The following HEPACAM2 variants were observed in gnomAD, a reference collection of about 807,000 sequenced individuals.
HEPACAM2 encodes the protein mitotic kinetics regulator.
In HEPACAM2, 49 loss-of-function variants were observed where a neutral mutation model predicts 49.6. That is an observed-to-expected ratio of 0.99 (90% CI 0.78 to 1.25). The LOEUF (loss-of-function observed/expected upper bound fraction) is 1.25. Ranked by LOEUF, HEPACAM2 falls within the 50% of genes most tolerant of loss-of-function variation. The probability of loss-of-function intolerance (pLI) is 0.00; values close to 1 mark genes in which losing one functional copy is unlikely to be tolerated. For missense variants in HEPACAM2, 525 were observed against 557.2 expected (o/e 0.94, Z 0.58); for synonymous variants, 197 against 202.9 (o/e 0.97, Z 0.25).
intron 3 of HEPACAM2, among the ~76,000 whole-genome samples, chr7:93,211,083 AC>A (rs533917434): frequency 6.6e-6 from 1 of 152,014 alleles, no homozygotes; most frequent in Non-Finnish European, 1.5e-5. Context: ...GCATTTTCTG[AC>A]CAATCTGCCA....
In HEPACAM2 at chr7:93,208,690, A is replaced by G. The variant is rs1219317608; in HGVS notation, c.902T>C (p.Val301Ala). ...YIIKHGPRLE[V>A]ASEKVAQKTM... ...CTTCTGGGCTACTTTCTCAGATGCA[A>G]CTTCTAAGCGAGGCCCATGCTTAAT... The change falls in exon 4 of 10, where the codon GTT (valine) becomes GCT (alanine). Residue 301 changes from valine (V) to alanine (A), a missense_variant. By Grantham distance (64) the Val-to-Ala change is moderately conservative. Coordinates refer to ENST00000394468, the MANE Select transcript of HEPACAM2 (RefSeq NM_001039372.4). 3 of 1,613,096 alleles carry G rather than the reference A, an allele frequency of 1.9e-6. No homozygotes were observed. Among genetic ancestry groups the G allele is most frequent in the Admixed American group, 3.3e-5 (2 of 59,876 alleles).
intron 3 of HEPACAM2, among the ~76,000 whole-genome samples, chr7:93,213,158 A>G (rs929361808): frequency 1.3e-5 from 2 of 151,828 alleles, no homozygotes; most frequent in African/African-American, 2.4e-5. Context: ...TTTATCACTT[A>G]GAGCTCTCCA....
At chr7:93,202,189 C>T (rs926800682) in intron 4 of HEPACAM2, among the ~76,000 whole-genome samples, 20 of 150,354 alleles carry the variant, frequency 1.3e-4, no homozygotes, top group South Asian at 8.3e-4. Flanking sequence ...TTCTCTATTT[C>T]GTCATTTTAG....
rs921665890 is a variant in HEPACAM2 at position 93,197,735 on chromosome 7, C to T, written c.1013-125G>A. The T allele has an allele frequency of 2.0e-5, 13 of 652,794 alleles. No homozygotes were observed. The African/African-American group carries it at 2.4e-4, about 12-fold the overall frequency. The allele number at this position is 652,794 out of a possible 1,614,324, so 40.4% of individuals were successfully genotyped here. On this transcript the variant is annotated intron_variant, in intron 4 of 9. Transcript: ENST00000394468. ...TATATAAACACGTATATTAGAGACA[C>T]ACAGAGAGAGAGAGAGACCAAATGG...
At chr7:93,204,212 A>T (rs1220511042) in intron 4 of HEPACAM2, among the ~76,000 whole-genome samples, 1 of 152,142 alleles carries the variant, frequency 6.6e-6, no homozygotes, top group Non-Finnish European at 1.5e-5. Flanking sequence ...ATTATGGATA[A>T]ATCTCAAACT....
chr7:93,195,911 A>C lies in HEPACAM2; in HGVS notation c.1202-10T>G. 1 of 1,600,206 alleles carries C rather than the reference A, an allele frequency of 6.2e-7. No individual in the cohort carries two copies. The highest frequency in any genetic ancestry group is 1.3e-5 in the African/African-American group (1 of 74,664). The stretch of plus-strand genomic sequence containing the variant: ...AGAGCATCTTCATGGCCTGAAATGT[A>C]AAACAAATACTGCTTACAAACCGAA... On this transcript the variant is annotated splice_polypyrimidine_tract_variant and intron_variant, in intron 7 of 9. Coordinates refer to ENST00000394468, the MANE Select transcript of HEPACAM2 (RefSeq NM_001039372.4).
At chr7:93,189,904 C>T (rs1036286124) in intron 9 of HEPACAM2, among the ~76,000 whole-genome samples, 3 of 151,854 alleles carry the variant, frequency 2.0e-5, no homozygotes, top group Non-Finnish European at 4.4e-5. Context: ...TGAAGTTGAT[C>T]TTTGAATTTA....
chr7:93,205,840 A>C (rs1315086020), intron 4 of HEPACAM2, among the ~76,000 whole-genome samples: 3 of 152,182 alleles, frequency 2.0e-5, no homozygotes, highest in African/African-American at 4.8e-5. Context: ...GTTAGAAAAT[A>C]GCTCTAAAAG....
rs183711434 is a variant in HEPACAM2, at chr7:93,224,355, C to T, written c.79+2013G>A. 2.7e-3 allele frequency among the ~76,000 whole-genome samples: 408 copies of T among 151,860 alleles called. 1 individual carries two copies. Among genetic ancestry groups the T allele is most frequent in the African/African-American group, 9.3e-3 (386 of 41,412 alleles). ...AGTAGTCCAAATATTTGGACTTAAA[C>T]GGAAATTTAAATTCGATTTTATTAT... On this transcript the variant is annotated intron_variant, in intron 1 of 9. Transcript: ENST00000394468.
Position 93,219,394 on chromosome 7 carries a change from C to A in HEPACAM2, c.137G>T (p.Gly46Val). The change falls in exon 2 of 10, where the codon GGT (glycine) becomes GTT (valine). Residue 46 changes from glycine to valine, a missense_variant. By Grantham distance (109) the Gly-to-Val change is moderately radical. Transcript: ENST00000394468. ...GTGGACGGGTAGGTAGAGGGCCTGA[C>A]CTCTGACGCCATGGACAGTGTGTGA... ...VPSHTVHGVR[G>V]QALYLPVHYG... The A allele has an allele frequency of 6.2e-7, 1 of 1,613,972 alleles. No individual in the cohort carries two copies. Among genetic ancestry groups the A allele is most frequent in the South Asian group, 1.1e-5 (1 of 91,078 alleles).
At chr7:93,207,540 G>A (rs1794060093) in intron 4 of HEPACAM2, among the ~76,000 whole-genome samples, 1 of 151,466 alleles carries the variant, frequency 6.6e-6, no homozygotes, top group South Asian at 2.1e-4. Flanking sequence ...GAAGGAGGAA[G>A]GAGAGAAGAA....
At chr7:93,219,624 C>G in intron 1 of HEPACAM2, 173 bp from the exon 2 acceptor site, 2 of 1,225,872 alleles carry the variant, frequency 1.6e-6, no homozygotes, top group Non-Finnish European at 2.2e-6. Context: ...GTCCCTGAAA[C>G]CTTCTGCACT....
Position 93,219,145 on chromosome 7 carries a change from T to C in HEPACAM2, c.386A>G (p.Asn129Ser). ...NYIVKVNIQG[N>S]GTLSASQKIQ... ...CTTCTGACTGGCAGATAGAGTTCCA[T>C]TTCCCTGAATGTTGACCTTCACGAT... Residue 129 changes from asparagine to serine, a missense_variant, in exon 2 of 10, where the codon AAT becomes AGT. Transcript: ENST00000394468. 1 of 1,613,926 alleles carries C rather than the reference T, an allele frequency of 6.2e-7. No individual in the cohort carries two copies. The highest frequency in any genetic ancestry group is 1.7e-5 in the Admixed American group (1 of 59,968).
intron 3 of HEPACAM2, among the ~76,000 whole-genome samples, chr7:93,210,867 C>A (rs982665991): frequency 4.0e-5 from 6 of 151,870 alleles, no homozygotes; most frequent in African/African-American, 1.4e-4. Context: ...TCTCATTTTC[C>A]TCACCTTTTA....
chr7:93,197,638 G>A, intron 4 of HEPACAM2, 28 bp from the exon 5 acceptor site: 1 of 1,511,588 alleles, frequency 6.6e-7, no homozygotes, highest in South Asian at 1.3e-5. Flanking sequence ...CATATTTTTA[G>A]CAATAAATTG....
chr7:93,202,027 AAAACC>A (rs1490124364), intron 4 of HEPACAM2, among the ~76,000 whole-genome samples: 2 of 31,538 alleles, frequency 6.3e-5, no homozygotes, highest in African/African-American at 3.2e-4. Flanking sequence ...AGCAAAAAAA[AAAACC>A]AAAAAAAAAA....
At chr7:93,191,415 G>T (rs967199276) in intron 9 of HEPACAM2, among the ~76,000 whole-genome samples, 2 of 151,954 alleles carry the variant, frequency 1.3e-5, no homozygotes, top group Non-Finnish European at 2.9e-5. Context: ...GTTATTTTTG[G>T]TATTTACCCA....
chr7:93,193,411 T>A (rs1196987193), intron 8 of HEPACAM2, among the ~76,000 whole-genome samples: 1 of 152,138 alleles, frequency 6.6e-6, no homozygotes. Flanking sequence ...GGAGCTACGG[T>A]AAAAGCAATC....
At chr7:93,204,326 CTATCTAT>C (rs1793971320) in intron 4 of HEPACAM2, among the ~76,000 whole-genome samples, 2 of 28,764 alleles carry the variant, frequency 7.0e-5, no homozygotes, top group Middle Eastern at 0.015. Flanking sequence ...TAAACATTCT[CTATCTAT>C]CTATCTATCT....
Sources: allele counts gnomAD v4.1 joint callset (sites outside exome capture counted in the v4.1 genomes callset), GRCh38; gene constraint gnomAD v4.1.1; transcripts MANE v1.5; gene names NCBI Gene and HGNC (gene_info 2026-07-23, HGNC 2026-07-21).